Variants in TRIM62 observed in about 807,000 individuals in gnomAD.
TRIM62 encodes the protein tripartite motif containing 62.
In TRIM62, 39 loss-of-function variants were observed where a neutral mutation model predicts 44.2. That is an observed-to-expected ratio of 0.88 (90% CI 0.68 to 1.15). The LOEUF (loss-of-function observed/expected upper bound fraction) is 1.15. Ranked by LOEUF, TRIM62 falls within the 50% of genes most tolerant of loss-of-function variation. TRIM62 has a pLI of 0.00. For synonymous variants in TRIM62, 278 were observed against 292.3 expected (o/e 0.95, Z 0.50); for missense variants, 544 against 665.5 (o/e 0.82, Z 2.01).
chr1:33,159,090 C>G lies in TRIM62; in HGVS notation c.761+598G>C, dbSNP rs1362507264. Among the ~76,000 whole-genome samples the G allele has an allele frequency of 1.3e-5, 2 of 151,964 alleles. No individual in the cohort carries two copies. Among genetic ancestry groups the G allele is most frequent in the Non-Finnish European group, 2.9e-5 (2 of 68,004 alleles). On this transcript the variant is annotated intron_variant, in intron 3 of 4. Coordinates refer to ENST00000291416, the MANE Select transcript of TRIM62 (RefSeq NM_018207.3). The surrounding 1 kb of genome is among the most constrained non-coding windows in gnomAD (Gnocchi z 4.2). ...GAACTCCTGACCTCAGGTAATCCAC[C>G]TGCCTCGGCCTCCCAAAGTGCTGGG...
At chr1:33,174,903 G>GTA (rs750344847) in intron 1 of TRIM62, among the ~76,000 whole-genome samples, 1,640 of 141,020 alleles carry the variant, frequency 0.012, 31 homozygotes, top group East Asian at 0.071. Context: ...ATGTGTGTGT[G>GTA]TGTATATATA....
rs1321767563 is a variant in TRIM62, at chr1:33,165,283, G to T, written c.504+188C>A. 1 of 523,982 alleles carries T rather than the reference G, an allele frequency of 1.9e-6. No homozygotes were observed. 32.5% of individuals were successfully genotyped at this position (523,982 alleles called of 1,614,324 possible). A position where few individuals can be genotyped will look rare whatever the true frequency, so the allele number is the denominator to read the frequency against. ...CGCCAGTCATGATGGGGTGGGTGCCGCCCCATTGAACTTCACGGATGCCCT... is the reference window on the plus strand; with the variant it reads ...CGCCAGTCATGATGGGGTGGGTGCCTCCCCATTGAACTTCACGGATGCCCT... On this transcript the variant is annotated intron_variant, in intron 2 of 4. Coordinates refer to ENST00000291416, the MANE Select transcript of TRIM62 (RefSeq NM_018207.3). This position sits in a 1 kb window ranked among gnomAD's most constrained non-coding sequence, Gnocchi z 4.0.
chr1:33,149,351 G>A (rs1440859175), intron 4 of TRIM62, among the ~76,000 whole-genome samples: 6 of 151,894 alleles, frequency 4.0e-5, no homozygotes, highest in African/African-American at 1.5e-4. Context: ...ACAGGGTTTC[G>A]TCATGTTGGC....
intron 4 of TRIM62, among the ~76,000 whole-genome samples, chr1:33,156,283 T>G (rs559727138): frequency 2.0e-5 from 3 of 152,324 alleles, no homozygotes; most frequent in African/African-American, 7.2e-5. Context: ...GCTTGAAAAC[T>G]CCTTTAAAGC....
At chr1:33,176,815 G>A (rs1417305152) in intron 1 of TRIM62, among the ~76,000 whole-genome samples, 1 of 152,218 alleles carries the variant, frequency 6.6e-6, no homozygotes, top group Non-Finnish European at 1.5e-5. Flanking sequence ...TTCATCAGTA[G>A]AAGAAATAGA....
rs1214404746 is a variant in TRIM62, at chr1:33,177,276, A to G, written c.408+3749T>C. On this transcript the variant is annotated intron_variant, in intron 1 of 4. Coordinates refer to ENST00000291416, the MANE Select transcript of TRIM62 (RefSeq NM_018207.3). This position sits in a 1 kb window ranked among gnomAD's most constrained non-coding sequence, Gnocchi z 4.1. ...CTTCTTATGTTAATTTTATAATCAG[A>G]ATAAAGACATTTAAAAATAGTTTTG... is the stretch of plus-strand genomic sequence containing the variant. Among the ~76,000 whole-genome samples the G allele has an allele frequency of 2.0e-5, 3 of 152,210 alleles. No homozygotes were observed. The highest frequency in any genetic ancestry group is 4.4e-5 in the Non-Finnish European group (3 of 68,048).
At chr1:33,151,282 C>T (rs1380419808) in intron 4 of TRIM62, among the ~76,000 whole-genome samples, 1 of 152,084 alleles carries the variant, frequency 6.6e-6, no homozygotes, top group African/African-American at 2.4e-5. Flanking sequence ...CTGCCACTCA[C>T]TGGGCCGGCC....
chr1:33,178,469 T>C (rs1215878463), intron 1 of TRIM62, among the ~76,000 whole-genome samples: 1 of 152,128 alleles, frequency 6.6e-6, no homozygotes, highest in Non-Finnish European at 1.5e-5. Flanking sequence ...AAGGCCTCCT[T>C]CTCGGGCCAG....
chr1:33,160,643 G>T (rs1225302749), intron 2 of TRIM62, among the ~76,000 whole-genome samples: 3 of 152,112 alleles, frequency 2.0e-5, no homozygotes, highest in Admixed American at 2.0e-4. Flanking sequence ...GACGTTAGGT[G>T]ATCTGCCCAC....
intron 1 of TRIM62, among the ~76,000 whole-genome samples, chr1:33,174,855 C>G (rs1279760410): frequency 1.3e-5 from 2 of 151,112 alleles, no homozygotes; most frequent in African/African-American, 4.9e-5. Flanking sequence ...CAGGGCTGGC[C>G]CTCTGTAGCC....
rs1453980172 is a variant in TRIM62 at position 33,147,613 on chromosome 1, G to A, written c.992C>T (p.Pro331Leu). ...NLHPQPLQDS[P>L]KRFDVEVSVL... ...CGACACCTCCACATCGAAGCGCTTTGGCGAGTCCTGCAGTGGCTGTGGGTG... is the reference window on the plus strand; with the variant it reads ...CGACACCTCCACATCGAAGCGCTTTAGCGAGTCCTGCAGTGGCTGTGGGTG... Residue 331 changes from proline to leucine, a missense_variant, in exon 5 of 5, where the codon CCA becomes CTA. Physicochemically the swap from Pro to Leu is moderately conservative, Grantham distance 98 (BLOSUM62 -3). Coordinates refer to ENST00000291416, the MANE Select transcript of TRIM62 (RefSeq NM_018207.3). The surrounding 1 kb of genome is among the most constrained non-coding windows in gnomAD (Gnocchi z 8.1). 1 of 1,613,988 alleles carries A rather than the reference G, an allele frequency of 6.2e-7. No individual in the cohort carries two copies. The highest frequency in any genetic ancestry group is 1.7e-5 in the Admixed American group (1 of 60,008).
At position 33,159,783 on chromosome 1, in the gene TRIM62, C is replaced by T. The variant is rs141455418; in HGVS notation, c.666G>A (p.Leu222=). The T allele has an allele frequency of 6.9e-4, 1,109 of 1,613,822 alleles. 6 individuals carry two copies. Among genetic ancestry groups the T allele is most frequent in the South Asian group, 1.9e-3 (171 of 91,088 alleles). ...EQKVQRYSQQ[L]RKVQEGAQIL... ...TCTGGGCTCCCTCCTGGACCTTGCG[C>T]AGCTGCTGGCTGTAGCGCTGGACTT... The change falls in exon 3 of 5, where the codon CTG becomes CTA. Residue 222 remains leucine, a synonymous_variant. Coordinates refer to ENST00000291416, the MANE Select transcript of TRIM62 (RefSeq NM_018207.3). This position sits in a 1 kb window ranked among gnomAD's most constrained non-coding sequence, Gnocchi z 4.2.
At chr1:33,148,231 G>A (rs1419240220) in intron 4 of TRIM62, among the ~76,000 whole-genome samples, 1 of 152,142 alleles carries the variant, frequency 6.6e-6, no homozygotes, top group Non-Finnish European at 1.5e-5. Flanking sequence ...CACCTTCCCC[G>A]ACTCCCAGTG....
At chr1:33,153,198 A>G (rs1645127432) in intron 4 of TRIM62, among the ~76,000 whole-genome samples, 1 of 152,176 alleles carries the variant, frequency 6.6e-6, no homozygotes, top group Admixed American at 6.5e-5. Flanking sequence ...CACCCCTCCC[A>G]TCTGGACATA....
At chr1:33,150,159 G>C (rs560690943) in intron 4 of TRIM62, among the ~76,000 whole-genome samples, 6 of 152,244 alleles carry the variant, frequency 3.9e-5, no homozygotes, top group Non-Finnish European at 7.3e-5. Flanking sequence ...CCATTTCCAG[G>C]CAACAGCAAG....
intron 3 of TRIM62, among the ~76,000 whole-genome samples, chr1:33,158,845 T>C (rs1475956996): frequency 1.3e-5 from 2 of 151,070 alleles, no homozygotes; most frequent in East Asian, 3.8e-4. Context: ...TTCTTTTTTT[T>C]CTTTTTTTTT....
At position 33,161,341 on chromosome 1, in the gene TRIM62, T is replaced by C. The variant is rs890128706; in HGVS notation, c.505-1397A>G. On this transcript the variant is annotated intron_variant, in intron 2 of 4. Coordinates refer to ENST00000291416, the MANE Select transcript of TRIM62 (RefSeq NM_018207.3). The surrounding 1 kb of genome is among the most constrained non-coding windows in gnomAD (Gnocchi z 4.3). Reference sequence around the variant, plus strand: ...CTTAACGTCAGGACGACACGGGCTATAGAAGTGCGGCCAGGCTGCAGCAGC... The same window carrying C: ...CTTAACGTCAGGACGACACGGGCTACAGAAGTGCGGCCAGGCTGCAGCAGC... Among the ~76,000 whole-genome samples the C allele has an allele frequency of 2.6e-5, 4 of 152,154 alleles. No individual in the cohort carries two copies. Among genetic ancestry groups the C allele is most frequent in the African/African-American group, 9.7e-5 (4 of 41,438 alleles).
At chr1:33,170,415 C>T (rs1298724230) in intron 1 of TRIM62, among the ~76,000 whole-genome samples, 1 of 152,006 alleles carries the variant, frequency 6.6e-6, no homozygotes, top group East Asian at 1.9e-4. Flanking sequence ...CAAAAATCTC[C>T]CCCACTAGAT....
At position 33,146,739 on chromosome 1, in the gene TRIM62, A is replaced by G. The variant is rs1645025703; in HGVS notation, c.*438T>C. 1 of 193,162 alleles carries G rather than the reference A, an allele frequency of 5.2e-6. No individual in the cohort carries two copies. Among genetic ancestry groups the G allele is most frequent in the Non-Finnish European group, 1.1e-5 (1 of 92,522 alleles). 12.0% of individuals were successfully genotyped at this position (193,162 alleles called of 1,614,324 possible). On this transcript the variant is annotated 3_prime_UTR_variant, in exon 5 of 5. Transcript: ENST00000291416. ...GGTCAAGGGTAAATGGCCCATCACT[A>G]GCTTGGTCAGGGGTAAGTCTTAGGC...
Sources: gnomAD v4.1 joint callset for allele counts (sites outside exome capture counted in the v4.1 genomes callset) on GRCh38, gnomAD v4.1.1 for gene constraint, Gnocchi (gnomAD v3.1) non-coding constraint, MANE v1.5 for transcripts, NCBI Gene and HGNC (gene_info 2026-07-23, HGNC 2026-07-21) for gene names.